TRPM3: variants seen among roughly 807,000 people sequenced by gnomAD.
TRPM3 encodes transient receptor potential cation channel subfamily M member 3.
Under a neutral mutation model 181.2 loss-of-function variants are expected in TRPM3, and 77 were observed. That is an observed-to-expected ratio of 0.42 (90% CI 0.35 to 0.51). The LOEUF (loss-of-function observed/expected upper bound fraction) is 0.51. Ranked by LOEUF, TRPM3 falls within the 20% of genes least tolerant of loss-of-function variation. The pLI is 0.01. For synonymous variants in TRPM3, 745 were observed against 796.4 expected, an observed-to-expected ratio of 0.94 and a Z score of 1.09; for missense variants, 1,759 against 2,196.7, an observed-to-expected ratio of 0.80 and a Z score of 3.98.
intron 6 of TRPM3, among the ~76,000 whole-genome samples, chr9:70,790,427 G>A (rs1588390974): frequency 6.6e-6 from 1 of 152,188 alleles, no homozygotes; most frequent in South Asian, 2.1e-4. Context: ...ACTAGCTAAA[G>A]CATGTCCCAG....
At chr9:71,127,451 C>T (rs1003442542) in intron 1 of TRPM3, among the ~76,000 whole-genome samples, 4 of 152,084 alleles carry the variant, frequency 2.6e-5, no homozygotes, top group Non-Finnish European at 5.9e-5. Flanking sequence ...TGTGTTTCAT[C>T]TTCCCTATCT....
chr9:71,046,622 C>A (rs2059470808), intron 1 of TRPM3, among the ~76,000 whole-genome samples: 1 of 152,188 alleles, frequency 6.6e-6, no homozygotes, highest in South Asian at 2.1e-4. Context: ...ATCACCCACC[C>A]TCCTTCCCTA....
At chr9:71,397,459 T>C (rs1258616803) in intron 1 of TRPM3, among the ~76,000 whole-genome samples, 1 of 152,204 alleles carries the variant, frequency 6.6e-6, no homozygotes, top group Non-Finnish European at 1.5e-5. Context: ...ACACCCTAAG[T>C]TCTGTTGAAT....
chr9:71,280,220 C>G, intron 1 of TRPM3, among the ~76,000 whole-genome samples: 1 of 152,142 alleles, frequency 6.6e-6, no homozygotes, highest in Non-Finnish European at 1.5e-5. Context: ...ACCAGCAACT[C>G]AGGCACGTGA....
At chr9:71,032,030 A>AT (rs1470335262) in intron 1 of TRPM3, among the ~76,000 whole-genome samples, 1 of 454 alleles carries the variant, frequency 2.2e-3, no homozygotes, top group Non-Finnish European at 0.026. Flanking sequence ...TATATATAAT[A>AT]TAAATATATA....
At chr9:70,880,318 CCTT>C (rs2095964788) in intron 1 of TRPM3, among the ~76,000 whole-genome samples, 1 of 152,016 alleles carries the variant, frequency 6.6e-6, no homozygotes, top group South Asian at 2.1e-4. Flanking sequence ...ACATGTTATA[CCTT>C]CCCTTTGCTC....
At chr9:71,316,537 C>A (rs1356899048) in intron 1 of TRPM3, among the ~76,000 whole-genome samples, 1 of 152,104 alleles carries the variant, frequency 6.6e-6, no homozygotes, top group Non-Finnish European at 1.5e-5. Context: ...CTTAAAAGAA[C>A]CCTTCTGTCT....
At chr9:71,038,168 T>G (rs1010741756) in intron 1 of TRPM3, among the ~76,000 whole-genome samples, 7 of 152,164 alleles carry the variant, frequency 4.6e-5, no homozygotes, top group Admixed American at 2.6e-4. Context: ...CTTTAGAGAG[T>G]TGGAGAATAA....
intron 1 of TRPM3, among the ~76,000 whole-genome samples, chr9:71,046,143 G>A (rs576595947): frequency 2.8e-4 from 43 of 151,898 alleles, no homozygotes; most frequent in Middle Eastern, 3.4e-3. Flanking sequence ...AGCGCCCCAC[G>A]CCCGGCTAAT....
chr9:70,619,191 G>T, intron 16 of TRPM3, 96 bp from the exon 17 acceptor site: 1 of 946,670 alleles, frequency 1.1e-6, no homozygotes, highest in Non-Finnish European at 1.6e-6. Flanking sequence ...TGGGGTCACT[G>T]GATGATGTAG....
chr9:71,225,244 C>T (rs1483228312), intron 1 of TRPM3, among the ~76,000 whole-genome samples: 2 of 151,980 alleles, frequency 1.3e-5, no homozygotes, highest in African/African-American at 4.8e-5. Flanking sequence ...AAACAAATAA[C>T]ATACAATAGA....
intron 1 of TRPM3, among the ~76,000 whole-genome samples, chr9:71,250,034 T>C (rs2082252682): frequency 6.6e-6 from 1 of 152,164 alleles, no homozygotes. Context: ...GCTTGATAAC[T>C]CCTCATTGAC....
At chr9:71,410,487 C>A (rs2093525858) in intron 1 of TRPM3, among the ~76,000 whole-genome samples, 2 of 152,146 alleles carry the variant, frequency 1.3e-5, no homozygotes, top group Non-Finnish European at 1.5e-5. Flanking sequence ...CACCTCTATG[C>A]AAATAAACTA....
Position 70,535,621 on chromosome 9 carries a change from C to T in TRPM3, c.*332G>A, listed in dbSNP as rs1317497507. ...CAGATGCCTCCTGGCATGGAGCGTG[C>T]TCGAAGCCCCTTGTTTCCCCTGCTC... is the stretch of plus-strand genomic sequence containing the variant. On this transcript the variant is annotated 3_prime_UTR_variant, in exon 26 of 26. Transcript: ENST00000677713. 4 of 1,460,798 alleles carry T rather than the reference C, an allele frequency of 2.7e-6. No homozygotes were observed. Among genetic ancestry groups the T allele is most frequent in the Non-Finnish European group, 3.6e-6 (4 of 1,113,610 alleles). 90.5% of individuals were successfully genotyped at this position (1,460,798 alleles called of 1,614,324 possible).
intron 1 of TRPM3, among the ~76,000 whole-genome samples, chr9:71,332,775 G>T (rs1426852887): frequency 6.6e-6 from 1 of 151,396 alleles, no homozygotes; most frequent in Non-Finnish European, 1.5e-5. Flanking sequence ...AACACATTTA[G>T]AAAAATTTTT....
intron 1 of TRPM3, among the ~76,000 whole-genome samples, chr9:71,314,927 C>G (rs1314622094): frequency 6.6e-6 from 1 of 151,640 alleles, no homozygotes; most frequent in Non-Finnish European, 1.5e-5. Flanking sequence ...AAAAACAAAG[C>G]TTTGGAGTCA....
rs1554824617 is a variant in TRPM3, at chr9:71,096,588, A to ACACTCT, written c.177+24584_177+24589dup. Among the ~76,000 whole-genome samples the ACACTCT allele has an allele frequency of 8.3e-5, 8 of 96,944 alleles. No individual in the cohort carries two copies. In the South Asian group the frequency reaches 3.2e-3, roughly 39 times the overall value. The allele number at this position is 96,944 out of a possible 152,430, so 63.6% of individuals were successfully genotyped here. ...CACACACACACACACACACACACAC[A>ACACTCT]CACTCTCTCTCTCTCTCTCTCTCTC... On this transcript the variant is annotated intron_variant, in intron 1 of 25. Coordinates refer to ENST00000677713, the MANE Select transcript of TRPM3 (RefSeq NM_001366145.2).
intron 1 of TRPM3, among the ~76,000 whole-genome samples, chr9:71,360,925 A>G (rs2092116009): frequency 6.6e-6 from 1 of 152,234 alleles, no homozygotes. Context: ...GCTGGTAGAC[A>G]TATGGCAGTT....
chr9:71,023,517 A>T (rs1485253092), intron 1 of TRPM3, among the ~76,000 whole-genome samples: 1 of 152,172 alleles, frequency 6.6e-6, no homozygotes, highest in East Asian at 1.9e-4. Flanking sequence ...AGTTCACCCA[A>T]AAAAACCTGT....
Sources: allele counts gnomAD v4.1 joint callset (sites outside exome capture counted in the v4.1 genomes callset), GRCh38; gene constraint gnomAD v4.1.1; transcripts MANE v1.5; gene names NCBI Gene and HGNC (gene_info 2026-07-23, HGNC 2026-07-21).